PTPRD: variants seen among roughly 807,000 people sequenced by gnomAD.
PTPRD encodes protein tyrosine phosphatase receptor type D.
PTPRD carries 34 observed loss-of-function variants against 214.5 expected under a neutral mutation model. That is an observed-to-expected ratio of 0.16 (90% CI 0.12 to 0.21). The LOEUF is 0.21. Among genes scored for constraint, PTPRD ranks in the 10% least tolerant of loss-of-function variants. PTPRD has a pLI of 1.00. For synonymous variants in PTPRD, 1,128 were observed against 845.7 expected, an observed-to-expected ratio of 1.33 and a Z score of -5.79; for missense variants, 2,545 against 2,398.7, an observed-to-expected ratio of 1.06 and a Z score of -1.27.
At chr9:9,472,980 C>A (rs758578947) in intron 8 of PTPRD, among the ~76,000 whole-genome samples, 6 of 152,120 alleles carry the variant, frequency 3.9e-5, no homozygotes, top group Admixed American at 6.6e-5. Context: ...GTTGTTAACA[C>A]TTAAAATCCT....
At chr9:9,002,202 A>C (rs1029640715) in intron 11 of PTPRD, among the ~76,000 whole-genome samples, 1 of 152,016 alleles carries the variant, frequency 6.6e-6, no homozygotes, top group African/African-American at 2.4e-5. Context: ...TGGTAAGGTA[A>C]AGAGAGAAAC....
At chr9:8,929,895 A>ACGTG in intron 11 of PTPRD, among the ~76,000 whole-genome samples, 1 of 115,490 alleles carries the variant, frequency 8.7e-6, no homozygotes, top group South Asian at 3.1e-4. Flanking sequence ...GTGTGTATAT[A>ACGTG]TATGTGTATA....
At chr9:9,716,902 G>A (rs888615324) in intron 7 of PTPRD, among the ~76,000 whole-genome samples, 38 of 152,114 alleles carry the variant, frequency 2.5e-4, no homozygotes, top group African/African-American at 9.2e-4. Flanking sequence ...TGCTTTTGGT[G>A]TTTTAGACAT....
chr9:8,848,248 G>A (rs1298269285), intron 11 of PTPRD, among the ~76,000 whole-genome samples: 3 of 149,336 alleles, frequency 2.0e-5, no homozygotes, highest in Non-Finnish European at 1.5e-5. Context: ...AGCAGAGAAA[G>A]GAACAGAAGA....
intron 14 of PTPRD, among the ~76,000 whole-genome samples, chr9:8,540,455 T>G (rs961832115): frequency 6.6e-6 from 1 of 152,060 alleles, no homozygotes; most frequent in Admixed American, 6.6e-5. Flanking sequence ...ATGAACAAAA[T>G]TGAGTGATAA....
At position 10,560,927 on chromosome 9, in the gene PTPRD, T is replaced by A. The variant is rs182454590; in HGVS notation, c.-600+51471A>T. 1.3e-5 allele frequency among the ~76,000 whole-genome samples: 2 copies of A among 152,230 alleles called. 1 individual carries two copies. Among genetic ancestry groups the A allele is most frequent in the Non-Finnish European group, 2.9e-5 (2 of 68,008 alleles). On this transcript the variant is annotated intron_variant, in intron 2 of 45. Coordinates refer to ENST00000381196, the MANE Select transcript of PTPRD (RefSeq NM_002839.4). Reference sequence around the variant, plus strand: ...CAAGACTGACACAGACCTCAGAGAGTGCTTAACCTAGAAGAAGTGTGATCT... The same window carrying A: ...CAAGACTGACACAGACCTCAGAGAGAGCTTAACCTAGAAGAAGTGTGATCT...
chr9:8,950,668 G>T (rs1211458305), intron 11 of PTPRD, among the ~76,000 whole-genome samples: 1 of 151,108 alleles, frequency 6.6e-6, no homozygotes, highest in Non-Finnish European at 1.5e-5. Context: ...GAACTTCCCA[G>T]AATCCTATAC....
chr9:10,339,443 C>T (rs1270937880), intron 3 of PTPRD, among the ~76,000 whole-genome samples: 1 of 151,646 alleles, frequency 6.6e-6, no homozygotes, highest in African/African-American at 2.4e-5. Flanking sequence ...AAACAGGAAT[C>T]TTCAAAGCAC....
chr9:9,160,270 G>A (rs2099885397), intron 10 of PTPRD, among the ~76,000 whole-genome samples: 1 of 152,084 alleles, frequency 6.6e-6, no homozygotes, highest in Non-Finnish European at 1.5e-5. Context: ...CAGAACAGGA[G>A]AAAATATTTG....
chr9:9,621,496 T>C (rs1261522404), intron 7 of PTPRD, among the ~76,000 whole-genome samples: 1 of 152,206 alleles, frequency 6.6e-6, no homozygotes, highest in Non-Finnish European at 1.5e-5. Flanking sequence ...GAATAAATTA[T>C]TACCAAAACA....
At chr9:9,608,059 T>C (rs1205777424) in intron 7 of PTPRD, among the ~76,000 whole-genome samples, 1 of 152,146 alleles carries the variant, frequency 6.6e-6, no homozygotes, top group African/African-American at 2.4e-5. Context: ...ATCATGAAAC[T>C]CAAAGAGGTT....
intron 9 of PTPRD, among the ~76,000 whole-genome samples, chr9:9,321,691 T>A (rs745475134): frequency 2.0e-5 from 3 of 152,346 alleles, no homozygotes; most frequent in Non-Finnish European, 4.4e-5. Context: ...ACATCTAACT[T>A]TCCAGTATTT....
chr9:10,277,378 TAGA>T (rs2094772836), intron 3 of PTPRD, among the ~76,000 whole-genome samples: 1 of 152,196 alleles, frequency 6.6e-6, no homozygotes, highest in Non-Finnish European at 1.5e-5. Flanking sequence ...TTTGGAATTT[TAGA>T]AGAACAAAAA....
At chr9:8,791,470 C>A (rs924194724) in intron 11 of PTPRD, among the ~76,000 whole-genome samples, 5 of 151,346 alleles carry the variant, frequency 3.3e-5, no homozygotes, top group Non-Finnish European at 5.9e-5. Context: ...ACGATCTGCC[C>A]ACCTTGGCCT....
chr9:9,771,118 C>A (rs1488458358), intron 5 of PTPRD, among the ~76,000 whole-genome samples: 1 of 152,006 alleles, frequency 6.6e-6, no homozygotes, highest in Non-Finnish European at 1.5e-5. Flanking sequence ...CACCTTATGC[C>A]CAATCTGAAT....
intron 5 of PTPRD, among the ~76,000 whole-genome samples, chr9:9,931,003 A>C (rs567953688): frequency 1.3e-5 from 2 of 152,236 alleles, no homozygotes; most frequent in African/African-American, 4.8e-5. Context: ...TTTAACACAA[A>C]TAGAATTTTA....
chr9:9,206,695 T>A (rs2099945073), intron 9 of PTPRD, among the ~76,000 whole-genome samples: 1 of 152,144 alleles, frequency 6.6e-6, no homozygotes, highest in South Asian at 2.1e-4. Context: ...GTTGGATGCT[T>A]CCTGGCCTTG....
intron 8 of PTPRD, among the ~76,000 whole-genome samples, chr9:9,483,773 CTTCT>C (rs2095514212): frequency 6.7e-6 from 1 of 150,332 alleles, no homozygotes; most frequent in Non-Finnish European, 1.5e-5. Context: ...AAAGTAATGT[CTTCT>C]TTCTTTTTTT....
intron 2 of PTPRD, among the ~76,000 whole-genome samples, chr9:10,371,991 A>G (rs2097634195): frequency 1.3e-5 from 2 of 152,090 alleles, no homozygotes; most frequent in South Asian, 4.1e-4. Context: ...AATGGCTAAC[A>G]GCTATTTATC....
Sources: allele counts gnomAD v4.1 joint callset (sites outside exome capture counted in the v4.1 genomes callset), GRCh38; gene constraint gnomAD v4.1.1; transcripts MANE v1.5; gene names NCBI Gene and HGNC (gene_info 2026-07-23, HGNC 2026-07-21).